LRBA: variants seen among roughly 807,000 people sequenced by gnomAD.
LRBA encodes LPS responsive beige-like anchor protein, also known as lipopolysaccharide-responsive and beige-like anchor protein.
In LRBA, 176 loss-of-function variants were observed where a neutral mutation model predicts 330.0. The observed-to-expected ratio is 0.53, with a 90% CI of 0.47 to 0.60. The LOEUF is 0.60. LRBA is among the 20% of genes least tolerant of loss of function. The pLI is 0.00. For missense variants in LRBA, 3,259 were observed against 3,444.8 expected, an observed-to-expected ratio of 0.95 and a Z score of 1.35; for synonymous variants, 1,230 against 1,193.0, an observed-to-expected ratio of 1.03 and a Z score of -0.64.
At chr4:150,406,702 G>A (rs72734444) in intron 47 of LRBA, among the ~76,000 whole-genome samples, 2,698 of 152,178 alleles carry the variant, frequency 0.018, 35 homozygotes, top group Non-Finnish European at 0.027. Context: ...TCACCCCCAG[G>A]AAGATATCAG....
chr4:150,924,417 G>A (rs1028918622), intron 4 of LRBA, among the ~76,000 whole-genome samples: 8 of 152,162 alleles, frequency 5.3e-5, no homozygotes, highest in African/African-American at 1.9e-4. Flanking sequence ...GAAAGCTGAG[G>A]TGGGAGGATT....
intron 40 of LRBA, among the ~76,000 whole-genome samples, chr4:150,559,203 A>C (rs568717135): frequency 6.6e-6 from 1 of 152,316 alleles, no homozygotes; most frequent in South Asian, 2.1e-4. Context: ...AGATAGCCTG[A>C]AGAATTGTTT....
intron 47 of LRBA, among the ~76,000 whole-genome samples, chr4:150,352,488 A>G (rs937008657): frequency 3.3e-5 from 5 of 152,322 alleles, no homozygotes; most frequent in African/African-American, 1.2e-4. Context: ...TATGCCTTAA[A>G]AATACTTAGC....
intron 2 of LRBA, among the ~76,000 whole-genome samples, chr4:151,001,981 G>A (rs571170535): frequency 2.0e-5 from 3 of 151,416 alleles, no homozygotes; most frequent in South Asian, 2.1e-4. Flanking sequence ...AATCACAGAC[G>A]CCACTGACAC....
At chr4:150,499,565 A>G (rs1209519560) in intron 40 of LRBA, among the ~76,000 whole-genome samples, 1 of 151,980 alleles carries the variant, frequency 6.6e-6, no homozygotes, top group Non-Finnish European at 1.5e-5. Flanking sequence ...GCTCGAGCCC[A>G]GAAATTGTTT....
rs746604159 is a variant in LRBA at position 150,265,832 on chromosome 4, A to G, written c.8469-20T>C. On this transcript the variant is annotated intron_variant, in intron 56 of 56. Coordinates refer to ENST00000651943, the MANE Select transcript of LRBA (RefSeq NM_001364905.1). ...ATGCACCTAGGAGAAGCACAGAGAG[A>G]AGGACTTTTACAAACCTGTGTGTCC... 2.7e-6 allele frequency: 4 copies of G among 1,498,724 alleles called. No individual in the cohort carries two copies. In the South Asian group the frequency reaches 4.5e-5, roughly 17 times the overall value. 92.8% of individuals were successfully genotyped at this position (1,498,724 alleles called of 1,614,324 possible).
chr4:150,341,056 G>T (rs925909543), intron 48 of LRBA, among the ~76,000 whole-genome samples: 2 of 152,266 alleles, frequency 1.3e-5, no homozygotes, highest in African/African-American at 4.8e-5. Context: ...GACAGAAAAA[G>T]GTGACCTGGT....
chr4:150,900,201 T>C lies in LRBA; in HGVS notation c.1772A>G (p.Tyr591Cys), dbSNP rs1321650166. 1.9e-6 allele frequency: 3 copies of C among 1,609,914 alleles called. No individual in the cohort carries two copies. The highest frequency in any genetic ancestry group is 2.5e-6 in the Non-Finnish European group (3 of 1,177,872). ...HTPAKVQLML[Y>C]TYLSTEFIGT... ...AATGAATTCCGTGGACAGATAAGTATAGAGCATCAGTTGAACCTACAGAAT... is the reference window on the plus strand; with the variant it reads ...AATGAATTCCGTGGACAGATAAGTACAGAGCATCAGTTGAACCTACAGAAT... Residue 591 changes from tyrosine (Y) to cysteine (C), a missense_variant, in exon 14 of 57, where the codon TAT becomes TGT. Transcript: ENST00000651943.
chr4:150,981,379 C>A (rs6849172), intron 2 of LRBA, among the ~76,000 whole-genome samples: 1 of 146,532 alleles, frequency 6.8e-6, no homozygotes, highest in Non-Finnish European at 1.5e-5. Flanking sequence ...CACCATTGCA[C>A]TCCAGCCTCG....
chr4:150,528,371 G>A (rs994694674), intron 40 of LRBA, among the ~76,000 whole-genome samples: 2 of 151,916 alleles, frequency 1.3e-5, no homozygotes, highest in Non-Finnish European at 2.9e-5. Flanking sequence ...CGTGGTGGTG[G>A]GCGCCTGTAG....
At position 150,900,091 on chromosome 4, in the gene LRBA, C is replaced by T. The variant is rs1730556449; in HGVS notation, c.1882G>A (p.Val628Met). The change falls in exon 14 of 57, where the codon GTG becomes ATG. Residue 628 changes from valine to methionine, a missense_variant. Physicochemically the swap from Val to Met is conservative, Grantham distance 21. Coordinates refer to ENST00000651943, the MANE Select transcript of LRBA (RefSeq NM_001364905.1). The part of the protein sequence containing the change: ...MHTLKYYYWA[V>M]NPQDRSGITP... ...ATACCACTTCGATCCTGAGGATTCA[C>T]TGCCCAGTAGTAGTACTTCAGCGTG... 6.2e-7 allele frequency: 1 copy of T among 1,613,540 alleles called. No homozygotes were observed. Among genetic ancestry groups the T allele is most frequent in the African/African-American group, 1.3e-5 (1 of 75,030 alleles).
intron 46 of LRBA, among the ~76,000 whole-genome samples, chr4:150,421,665 A>G (rs922406441): frequency 5.9e-5 from 9 of 152,054 alleles, no homozygotes; most frequent in Non-Finnish European, 8.8e-5. Flanking sequence ...TGATTCCTGA[A>G]TTGTTCAACA....
At position 150,661,081 on chromosome 4, in the gene LRBA, A is replaced by T. The variant is rs1406897156; in HGVS notation, c.5921+22470T>A. On this transcript the variant is annotated intron_variant, in intron 37 of 56. Transcript: ENST00000651943. ...AATTATCAATAAAAAAATAAATTAA[A>T]AAAAAAAAAAAAAAAAAAAGTTTCC... 8.2e-4 allele frequency among the ~76,000 whole-genome samples: 71 copies of T among 86,116 alleles called. 2 individuals carry two copies. Among genetic ancestry groups the T allele is most frequent in the East Asian group, 7.8e-3 (9 of 1,160 alleles). The allele number at this position is 86,116 out of a possible 152,430, so 56.5% of individuals were successfully genotyped here.
At chr4:150,563,488 C>T (rs548591016) in intron 40 of LRBA, among the ~76,000 whole-genome samples, 1 of 152,048 alleles carries the variant, frequency 6.6e-6, no homozygotes, top group South Asian at 2.1e-4. Flanking sequence ...TTGAGTGGCC[C>T]TCTCTCACCA....
At chr4:150,573,515 CTA>C (rs1770133110) in intron 40 of LRBA, among the ~76,000 whole-genome samples, 2 of 152,074 alleles carry the variant, frequency 1.3e-5, no homozygotes, top group Admixed American at 1.3e-4. Flanking sequence ...TTTAGAGAGA[CTA>C]TATAATATAG....
rs554992722 is a variant in LRBA at position 150,506,615 on chromosome 4, A to G, written c.6331-15580T>C. On this transcript the variant is annotated intron_variant, in intron 40 of 56. Coordinates refer to ENST00000651943, the MANE Select transcript of LRBA (RefSeq NM_001364905.1). ...AGCTATCTATAACAAACCCACAGCC[A>G]ATATCATACTGAATGGACAAAAACT... 8.3e-4 allele frequency among the ~76,000 whole-genome samples: 127 copies of G among 152,364 alleles called. 1 individual carries two copies. The highest frequency in any genetic ancestry group is 1.8e-3 in the Admixed American group (27 of 15,302).
chr4:150,423,387 G>T, intron 46 of LRBA: 1 of 647,542 alleles, frequency 1.5e-6, no homozygotes, highest in South Asian at 1.9e-5. Flanking sequence ...GGCCTGCTTT[G>T]AGTCCACAGT....
chr4:150,712,564 T>G (rs780793339), intron 36 of LRBA, among the ~76,000 whole-genome samples: 8 of 152,198 alleles, frequency 5.3e-5, no homozygotes, highest in Non-Finnish European at 1.0e-4. Context: ...AATATTTTCA[T>G]GTCATGTTCT....
At chr4:150,628,365 T>C (rs985290368) in intron 37 of LRBA, among the ~76,000 whole-genome samples, 1 of 152,166 alleles carries the variant, frequency 6.6e-6, no homozygotes, top group African/African-American at 2.4e-5. Context: ...TTCTTGTTAT[T>C]TGAGCAGGCT....
Sources: gnomAD v4.1 joint callset for allele counts (sites outside exome capture counted in the v4.1 genomes callset) on GRCh38, gnomAD v4.1.1 for gene constraint, MANE v1.5 for transcripts, NCBI Gene and HGNC (gene_info 2026-07-23, HGNC 2026-07-21) for gene names.